Variants in SMOC2 observed in about 807,000 individuals in gnomAD.
SMOC2 encodes SPARC related modular calcium binding 2.
SMOC2 carries 39 observed loss-of-function variants against 61.4 expected under a neutral mutation model. The ratio of observed to expected loss-of-function variants is 0.64; its 90% CI spans 0.49 to 0.83. The LOEUF is 0.83. Among genes scored for constraint, SMOC2 ranks in the 40% least tolerant of loss-of-function variants. The probability of loss-of-function intolerance (pLI) is 0.00; values close to 1 mark genes in which losing one functional copy is unlikely to be tolerated. For missense variants in SMOC2, 556 were observed against 592.9 expected (o/e 0.94, Z 0.65); for synonymous variants, 247 against 239.9 (o/e 1.03, Z -0.27).
At chr6:168,543,542 A>G (rs1193589523) in intron 4 of SMOC2, 83 bp from the exon 5 acceptor site, 22 of 1,285,372 alleles carry the variant, frequency 1.7e-5, no homozygotes, top group Non-Finnish European at 2.2e-5. Flanking sequence ...AAAATGGAGC[A>G]AAAATATGTG....
intron 6 of SMOC2, among the ~76,000 whole-genome samples, chr6:168,547,496 G>A (rs945867831): frequency 6.6e-6 from 1 of 152,014 alleles, no homozygotes. Context: ...CACACATCCG[G>A]CGTACAGCAC....
At chr6:168,528,316 A>G (rs937002531) in intron 4 of SMOC2, among the ~76,000 whole-genome samples, 1 of 80,982 alleles carries the variant, frequency 1.2e-5, no homozygotes, top group African/African-American at 4.0e-5. Context: ...GATCATTTTT[A>G]TTTGAAAATA....
At position 168,625,282 on chromosome 6, in the gene SMOC2, G is replaced by A. The variant is rs150768748; in HGVS notation, c.907+17043G>A. 5.1e-4 allele frequency among the ~76,000 whole-genome samples: 77 copies of A among 152,318 alleles called. 1 individual carries two copies. In the East Asian group the frequency reaches 0.012, roughly 24 times the overall value. The stretch of plus-strand genomic sequence containing the variant: ...CCCTCGGGAAGAAAGACACTGGATC[G>A]CAGCGCTGCAGAGTCCCCTTCCTGG... On this transcript the variant is annotated intron_variant, in intron 9 of 12. Transcript: ENST00000356284.
chr6:168,467,461 C>T (rs1224367989), intron 1 of SMOC2, among the ~76,000 whole-genome samples: 2 of 152,114 alleles, frequency 1.3e-5, no homozygotes, highest in Non-Finnish European at 2.9e-5. Context: ...TGCACACCAC[C>T]ACACCCGGCT....
Position 168,608,142 on chromosome 6 carries a change from T to TC in SMOC2, c.825-9dup, listed in dbSNP as rs3832407. The TC allele has an allele frequency of 3.1e-6, 5 of 1,608,700 alleles. 1 individual carries two copies. In the South Asian group the frequency reaches 4.4e-5, roughly 14 times the overall value. ...TGTTTTCTCTCTCCTTCCCCCGCCT[T>TC]CCCCCCGCCCATAGGTACGAGCAGC... On this transcript the variant is annotated splice_polypyrimidine_tract_variant and intron_variant, in intron 8 of 12. Coordinates refer to ENST00000356284, the MANE Select transcript of SMOC2 (RefSeq NM_001166412.2).
intron 9 of SMOC2, among the ~76,000 whole-genome samples, chr6:168,639,997 G>T (rs1167579438): frequency 6.6e-6 from 1 of 152,168 alleles, no homozygotes; most frequent in African/African-American, 2.4e-5. Context: ...GCTTTGCTTT[G>T]GGGGCATAGA....
Position 168,496,578 on chromosome 6 carries a change from C to A in SMOC2, c.85-13337C>A, listed in dbSNP as rs117205161. On this transcript the variant is annotated intron_variant, in intron 1 of 12. Coordinates refer to ENST00000356284, the MANE Select transcript of SMOC2 (RefSeq NM_001166412.2). ...ACCAATCGCCTGTCGCCCCAGCCCT[C>A]GAGTTCTGTCCCGAGAGGTCCTTTC... 2.0e-5 allele frequency among the ~76,000 whole-genome samples: 3 copies of A among 152,294 alleles called. No homozygotes were observed. In the South Asian group the frequency reaches 6.2e-4, roughly 32 times the overall value.
chr6:168,541,160 A>G (rs920836352), intron 4 of SMOC2, among the ~76,000 whole-genome samples: 2 of 152,326 alleles, frequency 1.3e-5, no homozygotes, highest in African/African-American at 4.8e-5. Flanking sequence ...TCGTATCCCC[A>G]TTATGACAAA....
rs187534338 is a variant in SMOC2, at chr6:168,553,972, G to A, written c.637+4769G>A. Among the ~76,000 whole-genome samples the A allele has an allele frequency of 1.5e-4, 23 of 149,916 alleles. No homozygotes were observed. Among genetic ancestry groups the A allele is most frequent in the African/African-American group, 4.0e-4 (16 of 39,834 alleles). Reference sequence around the variant, plus strand: ...CCCACCAGGTATCAGCGTTTTTCACGTTTTGGTAGGAAGATTATTCCATGG... The same window carrying A: ...CCCACCAGGTATCAGCGTTTTTCACATTTTGGTAGGAAGATTATTCCATGG... On this transcript the variant is annotated intron_variant, in intron 7 of 12. Coordinates refer to ENST00000356284, the MANE Select transcript of SMOC2 (RefSeq NM_001166412.2). This position sits in a 1 kb window ranked among gnomAD's most constrained non-coding sequence, Gnocchi z 4.2.
intron 7 of SMOC2, among the ~76,000 whole-genome samples, chr6:168,597,507 C>T (rs1785363351): frequency 6.6e-6 from 1 of 152,210 alleles, no homozygotes; most frequent in Non-Finnish European, 1.5e-5. Flanking sequence ...ACAATCCTTT[C>T]TGCTGGGCTG....
chr6:168,582,476 G>A (rs1784941293), intron 7 of SMOC2, among the ~76,000 whole-genome samples: 1 of 152,212 alleles, frequency 6.6e-6, no homozygotes, highest in African/African-American at 2.4e-5. Context: ...GGCAGGAGAG[G>A]ATTAAAGGTA....
At chr6:168,626,895 C>G (rs1227927858) in intron 9 of SMOC2, among the ~76,000 whole-genome samples, 2 of 152,180 alleles carry the variant, frequency 1.3e-5, no homozygotes, top group Non-Finnish European at 2.9e-5. Context: ...GCCCAGTTCT[C>G]TGTTGCCTGA....
intron 7 of SMOC2, among the ~76,000 whole-genome samples, chr6:168,588,941 G>T (rs184507722): frequency 6.8e-6 from 1 of 147,860 alleles, no homozygotes; most frequent in East Asian, 1.9e-4. Context: ...TTAATTGGGC[G>T]TGGTGGTGTG....
In SMOC2 at chr6:168,608,176, G is replaced by A; in HGVS notation, c.844G>A (p.Asp282Asn). ...TSTRYEQPKC[D>N]NTARAHPAKA... is the part of the protein sequence containing the mutation. The stretch of plus-strand genomic sequence containing the variant: ...CCATAGGTACGAGCAGCCGAAATGT[G>A]ACAACACGGCCAGGGCCCACCCAGC... The change falls in exon 9 of 13, where the codon GAC (aspartate) becomes AAC (asparagine). Residue 282 changes from aspartate (D) to asparagine (N), a missense_variant. Asp to Asn is a conservative substitution (Grantham distance 23, BLOSUM62 1). Coordinates refer to ENST00000356284, the MANE Select transcript of SMOC2 (RefSeq NM_001166412.2). 6.2e-7 allele frequency: 1 copy of A among 1,613,788 alleles called. No homozygotes were observed. The highest frequency in any genetic ancestry group is 8.5e-7 in the Non-Finnish European group (1 of 1,179,930).
rs1025821159 is a variant in SMOC2 at position 168,452,406 on chromosome 6, C to G, written c.84+10952C>G. Among the ~76,000 whole-genome samples the G allele has an allele frequency of 7.2e-5, 11 of 152,158 alleles. No homozygotes were observed. The highest frequency in any genetic ancestry group is 2.7e-4 in the African/African-American group (11 of 41,424). ...GCGGGCTGCCTGCCTGGGGCCTGGACTGGCTAAATAGGGTGCTATTTTCTT... is the reference window on the plus strand; with the variant it reads ...GCGGGCTGCCTGCCTGGGGCCTGGAGTGGCTAAATAGGGTGCTATTTTCTT... On this transcript the variant is annotated intron_variant, in intron 1 of 12. Coordinates refer to ENST00000356284, the MANE Select transcript of SMOC2 (RefSeq NM_001166412.2). The surrounding 1 kb of genome is among the most constrained non-coding windows in gnomAD (Gnocchi z 5.0).
At chr6:168,536,370 G>C (rs1783733504) in intron 4 of SMOC2, among the ~76,000 whole-genome samples, 1 of 152,134 alleles carries the variant, frequency 6.6e-6, no homozygotes, top group Non-Finnish European at 1.5e-5. Context: ...CTGAGACAAA[G>C]AAGGAATACT....
chr6:168,552,939 T>C (rs1050746476), intron 7 of SMOC2, among the ~76,000 whole-genome samples: 1 of 150,884 alleles, frequency 6.6e-6, no homozygotes, highest in African/African-American at 2.4e-5. Flanking sequence ...CACTTGAAAA[T>C]TTGCACATAG....
chr6:168,603,039 G>T (rs1785593274), intron 8 of SMOC2, among the ~76,000 whole-genome samples: 1 of 152,144 alleles, frequency 6.6e-6, no homozygotes, highest in Non-Finnish European at 1.5e-5. Flanking sequence ...GATCATGGGG[G>T]TGGTTTCCTC....
intron 8 of SMOC2, among the ~76,000 whole-genome samples, chr6:168,602,512 C>A (rs1476155619): frequency 6.6e-6 from 1 of 152,178 alleles, no homozygotes; most frequent in African/African-American, 2.4e-5. Context: ...GCCGGAATAT[C>A]ACTGAACGCC....
Sources: gnomAD v4.1 joint callset for allele counts (sites outside exome capture counted in the v4.1 genomes callset) on GRCh38, gnomAD v4.1.1 for gene constraint, Gnocchi (gnomAD v3.1) non-coding constraint, MANE v1.5 for transcripts, NCBI Gene and HGNC (gene_info 2026-07-23, HGNC 2026-07-21) for gene names.